Variants in RFTN1 observed in about 807,000 individuals in gnomAD.
RFTN1 encodes raftlin.
In RFTN1, 26 loss-of-function variants were observed where a neutral mutation model predicts 46.5. That is an observed-to-expected ratio of 0.56 (90% CI 0.41 to 0.78). The LOEUF is 0.78. Among genes scored for constraint, RFTN1 ranks in the 30% least tolerant of loss-of-function variants. The probability of loss-of-function intolerance (pLI) is 0.00; values close to 1 mark genes in which losing one functional copy is unlikely to be tolerated. For synonymous variants in RFTN1, 261 were observed against 284.2 expected, an observed-to-expected ratio of 0.92 and a Z score of 0.82; for missense variants, 693 against 718.7, an observed-to-expected ratio of 0.96 and a Z score of 0.41.
intron 3 of RFTN1, among the ~76,000 whole-genome samples, chr3:16,423,710 A>C (rs1284129668): frequency 6.6e-6 from 1 of 152,226 alleles, no homozygotes; most frequent in Non-Finnish European, 1.5e-5. Context: ...GCAAACACAT[A>C]AATGTTCTTT....
Position 16,418,914 on chromosome 3 carries a change from T to C in RFTN1, c.333-9431A>G, listed in dbSNP as rs1322601539. Among the ~76,000 whole-genome samples, 1 of 152,160 alleles carries C rather than the reference T, an allele frequency of 6.6e-6. No individual in the cohort carries two copies. Among genetic ancestry groups the C allele is most frequent in the East Asian group, 1.9e-4 (1 of 5,190 alleles). ...ATCCTGCCCTCAAGTCTAGATAGAC[T>C]GTGTATAAACAGAAGTGCTATGAGA... is the stretch of plus-strand genomic sequence containing the variant. On this transcript the variant is annotated intron_variant, in intron 3 of 9. Coordinates refer to ENST00000334133, the MANE Select transcript of RFTN1 (RefSeq NM_015150.2). This position sits in a 1 kb window ranked among gnomAD's most constrained non-coding sequence, Gnocchi z 5.0.
At chr3:16,386,183 A>G (rs973218472) in intron 4 of RFTN1, among the ~76,000 whole-genome samples, 2 of 142,212 alleles carry the variant, frequency 1.4e-5, no homozygotes, top group African/African-American at 2.8e-5. Context: ...AAATCTGTGC[A>G]TACAGAAATG....
At chr3:16,379,103 T>A (rs564786941) in intron 4 of RFTN1, among the ~76,000 whole-genome samples, 1 of 152,366 alleles carries the variant, frequency 6.6e-6, no homozygotes, top group East Asian at 1.9e-4. Context: ...TAAGTCTTAG[T>A]CACCAAGCTC....
At position 16,504,024 on chromosome 3, in the gene RFTN1, T is replaced by G. The variant is rs1239233029; in HGVS notation, c.-9+9418A>C. Among the ~76,000 whole-genome samples the G allele has an allele frequency of 6.6e-6, 1 of 152,170 alleles. No individual in the cohort carries two copies. The highest frequency in any genetic ancestry group is 1.5e-5 in the Non-Finnish European group (1 of 68,024). ...TATCCCTGCGTGTACTCTTTTACAA[T>G]CTATATATAACACCCAGAACAACAT... is the stretch of plus-strand genomic sequence containing the variant. On this transcript the variant is annotated intron_variant, in intron 1 of 9. Transcript: ENST00000334133. The surrounding 1 kb of genome is among the most constrained non-coding windows in gnomAD (Gnocchi z 4.4).
At chr3:16,333,972 G>A (rs1444966912) in intron 7 of RFTN1, among the ~76,000 whole-genome samples, 4 of 152,102 alleles carry the variant, frequency 2.6e-5, no homozygotes, top group Non-Finnish European at 5.9e-5. Context: ...GAGACCATCC[G>A]GGCTAACACG....
chr3:16,388,781 G>A (rs1192751614), intron 4 of RFTN1, among the ~76,000 whole-genome samples: 1 of 152,150 alleles, frequency 6.6e-6, no homozygotes, highest in East Asian at 1.9e-4. Flanking sequence ...GTTTCACAAA[G>A]GCACTAAGAT....
intron 7 of RFTN1, chr3:16,339,264 A>G (rs1455373233): frequency 1.3e-5 from 2 of 152,242 alleles, no homozygotes; most frequent in African/African-American, 2.4e-5. Flanking sequence ...TCATGTTGCT[A>G]TGGCTACCAC....
rs2075941229 is a variant in RFTN1, at chr3:16,457,972, G to T, written c.146-23935C>A. On this transcript the variant is annotated intron_variant, in intron 2 of 9. Coordinates refer to ENST00000334133, the MANE Select transcript of RFTN1 (RefSeq NM_015150.2). The surrounding 1 kb of genome is among the most constrained non-coding windows in gnomAD (Gnocchi z 4.2). ...CTGCCTTCCACCATGTGAGGACACA[G>T]CATTCCACCCCTCTGGAGGATGCAA... Among the ~76,000 whole-genome samples, 1 of 152,172 alleles carries T rather than the reference G, an allele frequency of 6.6e-6. No individual in the cohort carries two copies. Among genetic ancestry groups the T allele is most frequent in the African/African-American group, 2.4e-5 (1 of 41,444 alleles).
At chr3:16,455,180 T>C (rs2124916246) in intron 2 of RFTN1, among the ~76,000 whole-genome samples, 1 of 152,340 alleles carries the variant, frequency 6.6e-6, no homozygotes, top group South Asian at 2.1e-4. Flanking sequence ...AACAGCAGCA[T>C]ATGACCTGCC....
In RFTN1 at chr3:16,451,639, A is replaced by G. The variant is rs1192155120; in HGVS notation, c.146-17602T>C. Among the ~76,000 whole-genome samples, 1 of 152,204 alleles carries G rather than the reference A, an allele frequency of 6.6e-6. No homozygotes were observed. The highest frequency in any genetic ancestry group is 2.4e-5 in the African/African-American group (1 of 41,450). On this transcript the variant is annotated intron_variant, in intron 2 of 9. Coordinates refer to ENST00000334133, the MANE Select transcript of RFTN1 (RefSeq NM_015150.2). The surrounding 1 kb of genome is among the most constrained non-coding windows in gnomAD (Gnocchi z 4.2). ...TTCTCTTCGTGTCTTCCACCTAAAA[A>G]TTTAATGCCTTTTTCATCTTCACTA...
At chr3:16,472,819 C>T (rs1246300247) in intron 2 of RFTN1, among the ~76,000 whole-genome samples, 2 of 152,194 alleles carry the variant, frequency 1.3e-5, no homozygotes, top group African/African-American at 4.8e-5. Flanking sequence ...AAGCAATTAA[C>T]ACAATGTTAC....
rs1206065860 is a variant in RFTN1 at position 16,341,352 on chromosome 3, A to G, written c.1147-14476T>C. ...CTTTTGTCCACACAGAAACCTACAC[A>G]TGGCTGTTTATAGCAGCTTTATTCA... is the stretch of plus-strand genomic sequence containing the variant. On this transcript the variant is annotated intron_variant, in intron 7 of 9. Coordinates refer to ENST00000334133, the MANE Select transcript of RFTN1 (RefSeq NM_015150.2). The surrounding 1 kb of genome is among the most constrained non-coding windows in gnomAD (Gnocchi z 4.7). Among the ~76,000 whole-genome samples the G allele has an allele frequency of 1.3e-5, 2 of 152,244 alleles. No homozygotes were observed. Among genetic ancestry groups the G allele is most frequent in the Admixed American group, 6.5e-5 (1 of 15,284 alleles).
intron 3 of RFTN1, among the ~76,000 whole-genome samples, chr3:16,415,088 G>T (rs1283508610): frequency 6.6e-6 from 1 of 152,160 alleles, no homozygotes. Flanking sequence ...CCAGGCAAGG[G>T]ATGATGATGG....
At position 16,433,280 on chromosome 3, in the gene RFTN1, C is replaced by T. The variant is rs2075432530; in HGVS notation, c.332+571G>A. 6.6e-6 allele frequency among the ~76,000 whole-genome samples: 1 copy of T among 152,024 alleles called. No homozygotes were observed. Among genetic ancestry groups the T allele is most frequent in the Non-Finnish European group, 1.5e-5 (1 of 68,018 alleles). On this transcript the variant is annotated intron_variant, in intron 3 of 9. Coordinates refer to ENST00000334133, the MANE Select transcript of RFTN1 (RefSeq NM_015150.2). The surrounding 1 kb of genome is among the most constrained non-coding windows in gnomAD (Gnocchi z 4.4). Reference sequence around the variant, plus strand: ...ATATAGGCATAAGCATTCAACTGGGCAAGCCAAACTGAAAAACATCCCCAA... The same window carrying T: ...ATATAGGCATAAGCATTCAACTGGGTAAGCCAAACTGAAAAACATCCCCAA...
At chr3:16,372,180 A>C (rs1284583807) in intron 5 of RFTN1, among the ~76,000 whole-genome samples, 1 of 152,182 alleles carries the variant, frequency 6.6e-6, no homozygotes, top group Non-Finnish European at 1.5e-5. Context: ...AAGGAGTAGG[A>C]ATGGGCAACA....
chr3:16,354,351 A>G (rs542599605), intron 7 of RFTN1, among the ~76,000 whole-genome samples: 1 of 152,360 alleles, frequency 6.6e-6, no homozygotes, highest in South Asian at 2.1e-4. Context: ...AAGGAGTTAC[A>G]GTCTTCCCAC....
chr3:16,501,475 A>G (rs1218583864), intron 1 of RFTN1, among the ~76,000 whole-genome samples: 1 of 152,246 alleles, frequency 6.6e-6, no homozygotes, highest in Non-Finnish European at 1.5e-5. Flanking sequence ...TTTCAAATAC[A>G]AATTAGCTTC....
chr3:16,326,887 A>G lies in RFTN1; in HGVS notation c.1147-11T>C, dbSNP rs1438901098. ...CTGCACTTCGACACCCTGGGGGAAC[A>G]AGGCCAGCATTAGGGCTGCTGCTGC... On this transcript the variant is annotated splice_polypyrimidine_tract_variant and intron_variant, in intron 7 of 9. Coordinates refer to ENST00000334133, the MANE Select transcript of RFTN1 (RefSeq NM_015150.2). The G allele has an allele frequency of 6.2e-7, 1 of 1,609,818 alleles. No individual in the cohort carries two copies.
rs1298000252 is a variant in RFTN1 at position 16,468,018 on chromosome 3, C to A, written c.145+25707G>T. 1.3e-5 allele frequency among the ~76,000 whole-genome samples: 2 copies of A among 152,166 alleles called. No homozygotes were observed. The highest frequency in any genetic ancestry group is 4.8e-5 in the African/African-American group (2 of 41,422). ...GCAAGCCTTTCCCATTCATTATCAT[C>A]ATCTTTTCTTCATAAATCAAGTCTG... On this transcript the variant is annotated intron_variant, in intron 2 of 9. Coordinates refer to ENST00000334133, the MANE Select transcript of RFTN1 (RefSeq NM_015150.2). This position sits in a 1 kb window ranked among gnomAD's most constrained non-coding sequence, Gnocchi z 4.4.
Sources: allele counts gnomAD v4.1 joint callset (sites outside exome capture counted in the v4.1 genomes callset), GRCh38; gene constraint gnomAD v4.1.1; non-coding constraint Gnocchi (gnomAD v3.1); transcripts MANE v1.5; gene names NCBI Gene and HGNC (gene_info 2026-07-23, HGNC 2026-07-21).